PPFIA1: variants seen among roughly 807,000 people sequenced by gnomAD.
PPFIA1 encodes the protein liprin-alpha-1.
PPFIA1 carries 25 observed loss-of-function variants against 149.9 expected under a neutral mutation model. That is an observed-to-expected ratio of 0.17 (90% CI 0.12 to 0.23). The LOEUF (loss-of-function observed/expected upper bound fraction) is 0.23. PPFIA1 is among the 10% of genes least tolerant of loss of function. The pLI is 1.00. For missense variants in PPFIA1, 1,362 were observed against 1,506.5 expected (o/e 0.90, Z 1.59); for synonymous variants, 549 against 552.8 (o/e 0.99, Z 0.10).
At chr11:70,344,549 A>G (rs1249462157) in intron 15 of PPFIA1, among the ~76,000 whole-genome samples, 3 of 152,352 alleles carry the variant, frequency 2.0e-5, no homozygotes, top group South Asian at 2.1e-4. Context: ...CACCTGCCGC[A>G]TGTGCAGCCT....
At chr11:70,282,760 C>T (rs1188467884) in intron 2 of PPFIA1, among the ~76,000 whole-genome samples, 2 of 151,092 alleles carry the variant, frequency 1.3e-5, no homozygotes, top group East Asian at 3.9e-4. Flanking sequence ...TCGCGATCTC[C>T]TGACCTCATG....
At chr11:70,348,740 G>A (rs926557847) in intron 16 of PPFIA1, among the ~76,000 whole-genome samples, 1 of 151,910 alleles carries the variant, frequency 6.6e-6, no homozygotes, top group African/African-American at 2.4e-5. Context: ...GCCTGGTGGT[G>A]TGTGCCTGTA....
At chr11:70,312,206 AGCACTGTTGCCCTGG>A (rs2053330527) in intron 2 of PPFIA1, among the ~76,000 whole-genome samples, 1 of 150,764 alleles carries the variant, frequency 6.6e-6, no homozygotes. Flanking sequence ...AACAGCCTTG[AGCACTGTTGCCCTGG>A]GCACTGTTGC....
In PPFIA1 at chr11:70,332,094, G is replaced by T. The variant is rs763293373; in HGVS notation, c.1212G>T (p.Lys404Asn). 3.1e-6 allele frequency: 5 copies of T among 1,594,092 alleles called. No homozygotes were observed. The highest frequency in any genetic ancestry group is 4.3e-6 in the Non-Finnish European group (5 of 1,172,592). ...CCCAGAGGGTGGCAGCGCTTTCCAA[G>T]GTAGTGCCATGAGCTTCATTCTGGT... ...ELAQRVAALSKAEERHGNIEE... is the reference protein window; with the variant it reads ...ELAQRVAALSNAEERHGNIEE... Residue 404 changes from lysine (K) to asparagine (N), a missense_variant and splice_region_variant, in exon 9 of 28, where the codon AAG becomes AAT. Lys to Asn is a moderately conservative substitution (Grantham distance 94). Around this residue, in one of 7 missense-constraint regions of PPFIA1, gnomAD observed 733 missense variants for 744.1 expected, o/e 0.99. Coordinates refer to ENST00000253925, the MANE Select transcript of PPFIA1 (RefSeq NM_003626.5).
chr11:70,276,927 A>G (rs2050409822), intron 2 of PPFIA1, among the ~76,000 whole-genome samples: 1 of 149,510 alleles, frequency 6.7e-6, no homozygotes, highest in Admixed American at 6.7e-5. Context: ...TCAATTTTGT[A>G]AGTTCTTTTA....
chr11:70,373,779 T>C (rs1050656225), intron 23 of PPFIA1: 2 of 152,170 alleles, frequency 1.3e-5, no homozygotes, highest in South Asian at 2.1e-4. Flanking sequence ...GATAAAAATA[T>C]GGTTGGGAGA....
intron 1 of PPFIA1, chr11:70,271,809 C>A (rs1462728017): frequency 2.2e-5 from 3 of 138,650 alleles, no homozygotes; most frequent in Admixed American, 7.2e-5. Context: ...CCTACCCCCC[C>A]ACCCTCCCCA....
intron 15 of PPFIA1, among the ~76,000 whole-genome samples, chr11:70,347,631 A>G (rs1461628517): frequency 2.8e-4 from 43 of 152,170 alleles, no homozygotes; most frequent in Non-Finnish European, 2.9e-5. Context: ...CCTTGAGTCC[A>G]GGAGTTCGAG....
At chr11:70,286,408 C>T (rs544638921) in intron 2 of PPFIA1, among the ~76,000 whole-genome samples, 22 of 152,224 alleles carry the variant, frequency 1.4e-4, no homozygotes, top group Admixed American at 1.4e-3. Flanking sequence ...CATGCCACCG[C>T]GCCCTGCTAA....
intron 24 of PPFIA1, 55 bp from the exon 25 acceptor site, chr11:70,376,477 A>G (rs1387472731): frequency 2.7e-6 from 4 of 1,497,692 alleles, no homozygotes; most frequent in Non-Finnish European, 3.7e-6. Flanking sequence ...CGATGCTAAC[A>G]CCCTTCAAAT....
At chr11:70,362,532 G>C in intron 21 of PPFIA1, 44 bp downstream of exon 21, 6 of 1,532,464 alleles carry the variant, frequency 3.9e-6, no homozygotes, top group Non-Finnish European at 4.4e-6. Context: ...AACAGGGAAT[G>C]CCTCTCTGAA....
chr11:70,307,375 G>A (rs2052921333), intron 2 of PPFIA1, among the ~76,000 whole-genome samples: 1 of 152,152 alleles, frequency 6.6e-6, no homozygotes, highest in South Asian at 2.1e-4. Context: ...ATGCCAGGAA[G>A]CTGTAAAAAG....
chr11:70,309,789 C>T lies in PPFIA1; in HGVS notation c.265-14613C>T, dbSNP rs145375201. Among the ~76,000 whole-genome samples the T allele has an allele frequency of 1.2e-3, 183 of 152,116 alleles. 1 individual carries two copies. The highest frequency in any genetic ancestry group is 4.0e-3 in the African/African-American group (167 of 41,494). The stretch of plus-strand genomic sequence containing the variant: ...TATGATTCCATTCCTGTGAAATGTC[C>T]GAAACAGGCAGATACACAGAGACAG... On this transcript the variant is annotated intron_variant, in intron 2 of 27. Transcript: ENST00000253925.
At chr11:70,351,156 A>G in intron 16 of PPFIA1, 1 of 354,664 alleles carries the variant, frequency 2.8e-6, no homozygotes, top group Non-Finnish European at 4.3e-6. Flanking sequence ...GGAAGTGTTT[A>G]AAGTGACCTA....
Position 70,362,192 on chromosome 11 carries a change from A to T in PPFIA1, c.2664+16A>T, listed in dbSNP as rs975823708. The T allele has an allele frequency of 6.2e-7, 1 of 1,613,906 alleles. No individual in the cohort carries two copies. ...CTGGCTAGAGGTACATCCTTCATTT[A>T]ACATGCAGTTGCGTGGGTTACAGTA... On this transcript the variant is annotated intron_variant, in intron 20 of 27. Coordinates refer to ENST00000253925, the MANE Select transcript of PPFIA1 (RefSeq NM_003626.5).
Position 70,372,348 on chromosome 11 carries a change from A to C in PPFIA1, c.2999A>C (p.Lys1000Thr). ...DARMLDHLTK[K>T]DLRGQLKMVD... ...AGGATGCTGGACCACTTGACCAAGA[A>C]AGACCTTCGAGGGCAGCTGAAAATG... Residue 1000 changes from lysine (K) to threonine (T), a missense_variant, in exon 22 of 28, where the codon AAA becomes ACA. This residue lies in a region of PPFIA1 where 349 missense variants were observed against 373.3 expected (regional missense o/e 0.93). Coordinates refer to ENST00000253925, the MANE Select transcript of PPFIA1 (RefSeq NM_003626.5). 1 of 1,614,240 alleles carries C rather than the reference A, an allele frequency of 6.2e-7. No individual in the cohort carries two copies. The highest frequency in any genetic ancestry group is 8.5e-7 in the Non-Finnish European group (1 of 1,180,042).
intron 2 of PPFIA1, among the ~76,000 whole-genome samples, chr11:70,303,660 C>T (rs2052644006): frequency 6.6e-6 from 1 of 152,164 alleles, no homozygotes; most frequent in Non-Finnish European, 1.5e-5. Context: ...TCCTTATGTG[C>T]TGATCAGGTG....
Position 70,338,358 on chromosome 11 carries a change from T to G in PPFIA1, c.1492-16T>G. 1 of 1,596,536 alleles carries G rather than the reference T, an allele frequency of 6.3e-7. No individual in the cohort carries two copies. The highest frequency in any genetic ancestry group is 8.6e-7 in the Non-Finnish European group (1 of 1,164,542). The stretch of plus-strand genomic sequence containing the variant: ...AAAAGAGATAGCAGTAATGTAAGTC[T>G]TTTGCTTTTCTGTAGGATCAGCTTG... On this transcript the variant is annotated splice_polypyrimidine_tract_variant and intron_variant, in intron 12 of 27. Coordinates refer to ENST00000253925, the MANE Select transcript of PPFIA1 (RefSeq NM_003626.5).
At chr11:70,379,746 T>C (rs1411803740) in intron 26 of PPFIA1, among the ~76,000 whole-genome samples, 1 of 152,192 alleles carries the variant, frequency 6.6e-6, no homozygotes, top group Non-Finnish European at 1.5e-5. Context: ...GAAAAGTACA[T>C]TTAAATAAAA....
Sources: gnomAD v4.1 joint callset for allele counts (sites outside exome capture counted in the v4.1 genomes callset) on GRCh38, gnomAD v4.1.1 for gene constraint, gnomAD v4.1.1 regional missense constraint, MANE v1.5 for transcripts, NCBI Gene and HGNC (gene_info 2026-07-23, HGNC 2026-07-21) for gene names.